NELL2: variants seen among roughly 807,000 people sequenced by gnomAD.
The protein encoded by NELL2 is protein kinase C-binding protein NELL2.
In NELL2, 41 loss-of-function variants were observed where a neutral mutation model predicts 109.6. That is an observed-to-expected ratio of 0.37 (90% CI 0.29 to 0.49). NELL2 has a LOEUF of 0.49. Among genes scored for constraint, NELL2 ranks in the 20% least tolerant of loss-of-function variants. The probability of loss-of-function intolerance (pLI) is 0.98; values close to 1 mark genes in which losing one functional copy is unlikely to be tolerated. For synonymous variants in NELL2, 355 were observed against 344.7 expected (o/e 1.03, Z -0.33); for missense variants, 900 against 1,008.3 (o/e 0.89, Z 1.45).
chr12:44,568,698 T>G (rs1029175009), intron 15 of NELL2, among the ~76,000 whole-genome samples: 3 of 152,000 alleles, frequency 2.0e-5, no homozygotes, highest in Non-Finnish European at 2.9e-5. Context: ...CAGGCTCATT[T>G]GTGATTCTGA....
chr12:44,744,671 A>G (rs1940216497), intron 9 of NELL2, among the ~76,000 whole-genome samples: 2 of 152,236 alleles, frequency 1.3e-5, no homozygotes, highest in African/African-American at 4.8e-5. Flanking sequence ...TACTATAAAG[A>G]CAACTCTACG....
chr12:44,642,136 A>C (rs1946881651), intron 13 of NELL2, among the ~76,000 whole-genome samples: 1 of 152,172 alleles, frequency 6.6e-6, no homozygotes, highest in Non-Finnish European at 1.5e-5. Flanking sequence ...CTGCCACTTG[A>C]TTTATGAGTC....
chr12:44,663,315 C>A (rs1566112130), intron 13 of NELL2, among the ~76,000 whole-genome samples: 1 of 151,866 alleles, frequency 6.6e-6, no homozygotes, highest in African/African-American at 2.4e-5. Flanking sequence ...TCGACATATT[C>A]TCTAAAAAAA....
intron 9 of NELL2, among the ~76,000 whole-genome samples, chr12:44,760,190 T>C (rs1365341813): frequency 6.6e-6 from 1 of 152,162 alleles, no homozygotes; most frequent in Admixed American, 6.6e-5. Context: ...TCCACCAAAA[T>C]TAGTCCACCT....
intron 2 of NELL2, among the ~76,000 whole-genome samples, chr12:44,819,900 T>C (rs1323487404): frequency 6.6e-6 from 1 of 152,166 alleles, no homozygotes; most frequent in Non-Finnish European, 1.5e-5. Flanking sequence ...TGTTTAAAAA[T>C]GGGCTTGCAT....
At chr12:44,645,527 G>T (rs1026867111) in intron 13 of NELL2, among the ~76,000 whole-genome samples, 4 of 152,090 alleles carry the variant, frequency 2.6e-5, no homozygotes, top group African/African-American at 9.7e-5. Flanking sequence ...TTAGCAAATG[G>T]GTGGTGAACG....
At chr12:44,512,896 A>G (rs979521913) in intron 19 of NELL2, among the ~76,000 whole-genome samples, 7 of 152,074 alleles carry the variant, frequency 4.6e-5, no homozygotes, top group African/African-American at 1.7e-4. Context: ...CTAGTGTTCT[A>G]TAACACTGTA....
chr12:44,704,143 G>GA (rs1191376566), intron 11 of NELL2, among the ~76,000 whole-genome samples: 1 of 151,556 alleles, frequency 6.6e-6, no homozygotes, highest in Admixed American at 6.6e-5. Flanking sequence ...CCATATATCT[G>GA]AAAAAAAGAA....
intron 2 of NELL2, among the ~76,000 whole-genome samples, chr12:44,842,167 G>C (rs1944250891): frequency 6.8e-6 from 1 of 146,488 alleles, no homozygotes; most frequent in Non-Finnish European, 1.5e-5. Context: ...CGAAAGGGAA[G>C]GGAAGAAGGA....
intron 19 of NELL2, among the ~76,000 whole-genome samples, chr12:44,511,850 TA>T (rs889680668): frequency 1.4e-4 from 21 of 152,288 alleles, no homozygotes; most frequent in African/African-American, 4.3e-4. Context: ...GATTTACATG[TA>T]GTATTAATAC....
chr12:44,691,507 T>A (rs2136395842), intron 12 of NELL2, among the ~76,000 whole-genome samples: 1 of 152,218 alleles, frequency 6.6e-6, no homozygotes, highest in Middle Eastern at 3.4e-3. Flanking sequence ...ATTAGGCCAA[T>A]TAATAAGTGT....
intron 2 of NELL2, among the ~76,000 whole-genome samples, chr12:44,873,819 CT>C (rs1266738005): frequency 1.3e-5 from 2 of 151,704 alleles, no homozygotes; most frequent in Non-Finnish European, 2.9e-5. Context: ...ACAATGTAGC[CT>C]TATCTTCTTT....
Position 44,779,954 on chromosome 12 carries a change from C to T in NELL2, c.404G>A (p.Arg135His), listed in dbSNP as rs202194885. 2.0e-4 allele frequency: 320 copies of T among 1,613,874 alleles called. 1 individual carries two copies. The highest frequency in any genetic ancestry group is 1.3e-3 in the Middle Eastern group (8 of 6,060). Reference sequence around the variant, plus strand: ...GTAAGGAAACACTTCTGTGTGAGGGCGGTGACTGCCTGAGCGGTAATGCAG... The same window carrying T: ...GTAAGGAAACACTTCTGTGTGAGGGTGGTGACTGCCTGAGCGGTAATGCAG... Reference protein sequence around the residue: ...VRLHYRSGSHRPHTEVFPYIL... With the variant: ...VRLHYRSGSHHPHTEVFPYIL... The change falls in exon 4 of 20, where the codon CGC (arginine) becomes CAC (histidine). Residue 135 changes from arginine (R) to histidine (H), a missense_variant. Physicochemically the swap from Arg to His is conservative, Grantham distance 29. Around this residue, in one of 4 missense-constraint regions of NELL2, gnomAD observed 200 missense variants for 191.8 expected, o/e 1.04. Transcript: ENST00000429094.
chr12:44,830,019 T>C lies in NELL2; in HGVS notation c.185-13883A>G, dbSNP rs1943837674. ...CTGGTTATTATTCTAACCACGTATG[T>C]GTTACTGTTTTGACATGGCTCTAGT... On this transcript the variant is annotated intron_variant, in intron 2 of 19. Transcript: ENST00000429094. 2.0e-5 allele frequency among the ~76,000 whole-genome samples: 3 copies of C among 152,354 alleles called. No individual in the cohort carries two copies. In the South Asian group the frequency reaches 6.2e-4, roughly 32 times the overall value.
At chr12:44,916,040 C>T (rs1647061155), upstream of NELL2, among the ~76,000 whole-genome samples, 1 of 152,150 alleles carries the variant, frequency 6.6e-6, no homozygotes, top group South Asian at 2.1e-4. Flanking sequence ...TCATCACCTG[C>T]TATATCTAAA....
At chr12:44,844,402 CAA>C (rs995427331) in intron 2 of NELL2, among the ~76,000 whole-genome samples, 1 of 152,146 alleles carries the variant, frequency 6.6e-6, no homozygotes, top group African/African-American at 2.4e-5. Flanking sequence ...GGATGAATCT[CAA>C]AAACATTACG....
At chr12:44,692,175 G>A (rs930048562) in intron 12 of NELL2, among the ~76,000 whole-genome samples, 1 of 152,242 alleles carries the variant, frequency 6.6e-6, no homozygotes, top group African/African-American at 2.4e-5. Flanking sequence ...TTGTGGTGAC[G>A]TTAAGTTGAA....
At chr12:44,583,050 G>C (rs1592154548) in intron 15 of NELL2, among the ~76,000 whole-genome samples, 1 of 152,082 alleles carries the variant, frequency 6.6e-6, no homozygotes, top group African/African-American at 2.4e-5. Context: ...CCCAGCTTCC[G>C]GAACGGTAAG....
intron 9 of NELL2, among the ~76,000 whole-genome samples, chr12:44,726,311 C>T (rs114567254): frequency 4.6e-5 from 7 of 152,250 alleles, no homozygotes; most frequent in East Asian, 1.9e-4. Context: ...TTCCTTCAAA[C>T]GACTTCATGA....
Sources: gnomAD v4.1 joint callset for allele counts (sites outside exome capture counted in the v4.1 genomes callset) on GRCh38, gnomAD v4.1.1 for gene constraint, gnomAD v4.1.1 regional missense constraint, MANE v1.5 for transcripts, NCBI Gene and HGNC (gene_info 2026-07-23, HGNC 2026-07-21) for gene names.